The following UNC13C variants were observed in gnomAD, a reference collection of about 807,000 sequenced individuals.
UNC13C encodes the protein unc-13 homolog C.
UNC13C carries 174 observed loss-of-function variants against 245.4 expected under a neutral mutation model. The observed-to-expected ratio is 0.71, with a 90% CI of 0.63 to 0.80. The LOEUF is 0.80. UNC13C is among the 30% of genes least tolerant of loss of function. UNC13C has a pLI of 0.00. For missense variants in UNC13C, 2,829 were observed against 2,602.9 expected, an observed-to-expected ratio of 1.09 and a Z score of -1.89; for synonymous variants, 992 against 895.1, an observed-to-expected ratio of 1.11 and a Z score of -1.93.
chr15:54,047,516 G>A (rs1241466981), intron 2 of UNC13C, among the ~76,000 whole-genome samples: 1 of 151,940 alleles, frequency 6.6e-6, no homozygotes, highest in East Asian at 1.9e-4. Context: ...TTGATCTTTT[G>A]TGTCTGGCTT....
intron 10 of UNC13C, among the ~76,000 whole-genome samples, chr15:54,280,357 C>T (rs1409768010): frequency 6.6e-6 from 1 of 151,648 alleles, no homozygotes; most frequent in Non-Finnish European, 1.5e-5. Context: ...AATACGATCC[C>T]ATATTTGTCA....
chr15:54,203,866 A>T (rs187707827), intron 4 of UNC13C, among the ~76,000 whole-genome samples: 13 of 102,630 alleles, frequency 1.3e-4, no homozygotes, highest in African/African-American at 4.0e-4. Context: ...ATACATATAT[A>T]CACAGACATA....
chr15:54,465,162 C>T (rs1208658421), intron 19 of UNC13C, among the ~76,000 whole-genome samples: 1 of 151,926 alleles, frequency 6.6e-6, no homozygotes, highest in Non-Finnish European at 1.5e-5. Context: ...AGGAAACAGT[C>T]AATAAGACAG....
chr15:54,059,744 G>T (rs1897718118), intron 2 of UNC13C, among the ~76,000 whole-genome samples: 1 of 152,154 alleles, frequency 6.6e-6, no homozygotes, highest in Non-Finnish European at 1.5e-5. Flanking sequence ...AATCAAAACA[G>T]CATGGTACTG....
At position 54,555,461 on chromosome 15, in the gene UNC13C, T is replaced by C. The variant is rs1486760603; in HGVS notation, c.5907T>C (p.Gly1969=). Residue 1969 remains glycine (G), a synonymous_variant, in exon 29 of 33, where the codon GGT becomes GGC. Transcript: ENST00000260323. The stretch of plus-strand genomic sequence containing the variant: ...ACATGATTCGAGAGGATGCCAGGGG[T>C]CTGACGCCAAGACAATGCGCTATAA... ...KEHMIREDAR[G]LTPRQCAIME... 4 of 1,612,436 alleles carry C rather than the reference T, an allele frequency of 2.5e-6. No individual in the cohort carries two copies. The highest frequency in any genetic ancestry group is 1.3e-5 in the African/African-American group (1 of 74,926).
intron 26 of UNC13C, among the ~76,000 whole-genome samples, chr15:54,534,391 A>C (rs1358667389): frequency 6.6e-6 from 1 of 152,204 alleles, no homozygotes; most frequent in Non-Finnish European, 1.5e-5. Flanking sequence ...CAAATCCTCA[A>C]AGCCTCAAAG....
At chr15:54,499,273 A>G (rs575036070) in intron 20 of UNC13C, among the ~76,000 whole-genome samples, 39 of 152,210 alleles carry the variant, frequency 2.6e-4, no homozygotes, top group African/African-American at 9.1e-4. Flanking sequence ...CTCAAACACT[A>G]TCACAAGAAC....
Position 54,013,478 on chromosome 15 carries a change from A to G in UNC13C, c.575A>G (p.Glu192Gly). Residue 192 changes from glutamate to glycine, a missense_variant, in exon 2 of 33, where the codon GAA becomes GGA. Physicochemically the swap from Glu to Gly is moderately conservative, Grantham distance 98 (BLOSUM62 -2). Transcript: ENST00000260323. ...RKLRKWKKSQ[E>G]CVSSDSELST... is the part of the protein sequence containing the mutation. ...CTGAGAAAATGGAAAAAGAGTCAAG[A>G]ATGTGTCTCCTCAGACTCAGAGTTA... 1 of 1,613,924 alleles carries G rather than the reference A, an allele frequency of 6.2e-7. No individual in the cohort carries two copies. Among genetic ancestry groups the G allele is most frequent in the Non-Finnish European group, 8.5e-7 (1 of 1,179,860 alleles).
chr15:53,852,939 G>A, the UNC13C span, among the ~76,000 whole-genome samples: 2 of 151,838 alleles, frequency 1.3e-5, no homozygotes, highest in Admixed American at 6.6e-5. Context: ...TTAATAATAA[G>A]GGGTAATCTT....
intron 2 of UNC13C, among the ~76,000 whole-genome samples, chr15:54,072,246 T>C (rs118191347): frequency 3.3e-5 from 5 of 152,294 alleles, no homozygotes; most frequent in Non-Finnish European, 7.3e-5. Context: ...CAGATGTTAT[T>C]TCAAGCTTGT....
At position 54,014,269 on chromosome 15, in the gene UNC13C, C is replaced by A. The variant is rs112791342; in HGVS notation, c.1366C>A (p.Leu456Ile). The change falls in exon 2 of 33, where the codon CTT (leucine) becomes ATT (isoleucine). Residue 456 changes from leucine (L) to isoleucine (I), a missense_variant. Leu to Ile is a conservative substitution (Grantham distance 5, BLOSUM62 2). Coordinates refer to ENST00000260323, the MANE Select transcript of UNC13C (RefSeq NM_001080534.3). ...WQSPDDSDED[L>I]ESDLNRNSYA... Reference sequence around the variant, plus strand: ...GTCACCTGATGACAGTGATGAAGATCTTGAATCTGACCTCAATAGAAACAG... The same window carrying A: ...GTCACCTGATGACAGTGATGAAGATATTGAATCTGACCTCAATAGAAACAG... The A allele has an allele frequency of 1.2e-6, 2 of 1,613,898 alleles. No individual in the cohort carries two copies. The highest frequency in any genetic ancestry group is 1.1e-5 in the South Asian group (1 of 91,074).
intron 2 of UNC13C, among the ~76,000 whole-genome samples, chr15:54,107,655 G>T (rs1445268764): frequency 2.0e-5 from 3 of 152,170 alleles, no homozygotes; most frequent in African/African-American, 7.2e-5. Context: ...TGCAGAATGA[G>T]AACTCACCTG....
intron 17 of UNC13C, among the ~76,000 whole-genome samples, chr15:54,358,253 G>A (rs1445046818): frequency 2.6e-5 from 4 of 152,058 alleles, no homozygotes; most frequent in Non-Finnish European, 5.9e-5. Context: ...CAGGTAGTAT[G>A]ATGCCTCCAG....
chr15:54,494,765 A>C (rs767970560), intron 20 of UNC13C, 31 bp downstream of exon 20: 1 of 1,598,896 alleles, frequency 6.3e-7, no homozygotes, highest in Non-Finnish European at 8.5e-7. Context: ...ACACACCCTC[A>C]GATCTAAATT....
chr15:54,536,769 A>T (rs541351265), intron 26 of UNC13C, among the ~76,000 whole-genome samples: 1 of 152,246 alleles, frequency 6.6e-6, no homozygotes, highest in South Asian at 2.1e-4. Flanking sequence ...GGCTTTCAAT[A>T]AAATTCAACA....
chr15:54,380,913 C>G (rs929293655), intron 17 of UNC13C, among the ~76,000 whole-genome samples: 7 of 152,030 alleles, frequency 4.6e-5, no homozygotes, highest in African/African-American at 1.7e-4. Context: ...ATAAGCTGTC[C>G]CTTCACTATT....
At chr15:54,118,763 T>C (rs1351248524) in intron 2 of UNC13C, among the ~76,000 whole-genome samples, 1 of 152,162 alleles carries the variant, frequency 6.6e-6, no homozygotes, top group Non-Finnish European at 1.5e-5. Context: ...GTTCTGTATG[T>C]TAGCTATGTG....
At chr15:54,075,121 C>T (rs965823004) in intron 2 of UNC13C, among the ~76,000 whole-genome samples, 1 of 152,066 alleles carries the variant, frequency 6.6e-6, no homozygotes, top group African/African-American at 2.4e-5. Flanking sequence ...AGAATAATAA[C>T]ACAGTCAAAG....
intron 18 of UNC13C, among the ~76,000 whole-genome samples, chr15:54,408,779 A>C (rs981490914): frequency 6.6e-6 from 1 of 152,150 alleles, no homozygotes; most frequent in Non-Finnish European, 1.5e-5. Context: ...TCATTTAATA[A>C]TGTTTGCTTC....
Sources: gnomAD v4.1 joint callset for allele counts (sites outside exome capture counted in the v4.1 genomes callset) on GRCh38, gnomAD v4.1.1 for gene constraint, MANE v1.5 for transcripts, NCBI Gene and HGNC (gene_info 2026-07-23, HGNC 2026-07-21) for gene names.